The following ZNF57 variants were observed in gnomAD, a reference collection of about 807,000 sequenced individuals.
The protein encoded by ZNF57 is zinc finger protein 424.
ZNF57 carries 11 observed loss-of-function variants against 13.4 expected under a neutral mutation model. The observed-to-expected ratio is 0.82, with a 90% CI of 0.52 to 1.36. The LOEUF (loss-of-function observed/expected upper bound fraction) is 1.36. Ranked by LOEUF, ZNF57 falls within the 40% of genes most tolerant of loss-of-function variation. ZNF57 has a pLI of 0.00. For synonymous variants in ZNF57, 224 were observed against 238.5 expected, an observed-to-expected ratio of 0.94 and a Z score of 0.56; for missense variants, 696 against 667.5, an observed-to-expected ratio of 1.04 and a Z score of -0.47.
At chr19:2,914,006 T>C (rs2088165704) in intron 1 of ZNF57, among the ~76,000 whole-genome samples, 1 of 152,228 alleles carries the variant, frequency 6.6e-6, no homozygotes, top group African/African-American at 2.4e-5. Context: ...AAAGGGTCTC[T>C]TTTACAGAAC....
rs1320491132 is a variant in ZNF57 at position 2,918,135 on chromosome 19, AAT to A, written c.1515_1516del (p.Cys506Ter). 1 of 1,614,246 alleles carries A rather than the reference AAT, an allele frequency of 6.2e-7. No individual in the cohort carries two copies. Among genetic ancestry groups the A allele is most frequent in the East Asian group, 2.2e-5 (1 of 44,892 alleles). On this transcript the variant is annotated frameshift_variant, in exon 4 of 4. Transcript: ENST00000306908. LOFTEE classifies it low-confidence loss of function (END_TRUNC). ...ATGCACACTGGAGAGAAACCTCACA[AAT>A]GTAAACAATGTGGGATGTCCTTCAA...
At chr19:2,905,414 C>CT (rs1555677392) in intron 1 of ZNF57, among the ~76,000 whole-genome samples, 1 of 73,462 alleles carries the variant, frequency 1.4e-5, no homozygotes, top group Admixed American at 9.6e-5. Flanking sequence ...ATCGCCCCCC[C>CT]CCCCTCGGCA....
chr19:2,904,605 C>T (rs1286199513), intron 1 of ZNF57, among the ~76,000 whole-genome samples: 1 of 151,868 alleles, frequency 6.6e-6, no homozygotes, highest in Non-Finnish European at 1.5e-5. Context: ...GCAGTGGCAC[C>T]ATCTCGGCTC....
intron 1 of ZNF57, among the ~76,000 whole-genome samples, chr19:2,902,351 C>T (rs1271317974): frequency 6.6e-6 from 1 of 152,030 alleles, no homozygotes; most frequent in Non-Finnish European, 1.5e-5. Flanking sequence ...TTTTCTTCTC[C>T]TTAGTGACAA....
intron 1 of ZNF57, among the ~76,000 whole-genome samples, chr19:2,905,539 C>T (rs1013607743): frequency 5.5e-4 from 83 of 150,448 alleles, no homozygotes; most frequent in Non-Finnish European, 1.1e-3. Context: ...CGGAGGCGGG[C>T]GGATCACGAG....
In ZNF57 at chr19:2,918,270, C is replaced by A; in HGVS notation, c.1649C>A (p.Thr550Asn). ...AFSCQVILSK[T>N]SESTH ...AGTTGCCAAGTCATTCTTTCTAAAA[C>A]CAGTGAGAGCACACACTAAAGAGAA... The change falls in exon 4 of 4, where the codon ACC becomes AAC. Residue 550 changes from threonine (T) to asparagine (N), a missense_variant. Physicochemically the swap from Thr to Asn is moderately conservative, Grantham distance 65. This residue lies in a region of ZNF57 where 645 missense variants were observed against 591.5 expected (regional missense o/e 1.09). Coordinates refer to ENST00000306908, the MANE Select transcript of ZNF57 (RefSeq NM_173480.3). 6.2e-7 allele frequency: 1 copy of A among 1,607,604 alleles called. No individual in the cohort carries two copies. Among genetic ancestry groups the A allele is most frequent in the East Asian group, 2.2e-5 (1 of 44,828 alleles).
At position 2,917,570 on chromosome 19, in the gene ZNF57, T is replaced by C. The variant is rs751066292; in HGVS notation, c.949T>C (p.Phe317Leu). The C allele has an allele frequency of 6.2e-7, 1 of 1,613,968 alleles. No homozygotes were observed. The highest frequency in any genetic ancestry group is 1.1e-5 in the South Asian group (1 of 91,068). The change falls in exon 4 of 4, where the codon TTC (phenylalanine) becomes CTC (leucine). Residue 317 changes from phenylalanine (F) to leucine (L), a missense_variant. Physicochemically the swap from Phe to Leu is conservative, Grantham distance 22 (BLOSUM62 0). Transcript: ENST00000306908. ...TGAATGCAAGCAGTGTGGGAAAACA[T>C]TCAGTTGGTCTGAAACCTTGCGAGT... is the stretch of plus-strand genomic sequence containing the variant. The part of the protein sequence containing the change: ...PYECKQCGKT[F>L]SWSETLRVHM...
At chr19:2,908,467 T>TG (rs1231244676) in intron 1 of ZNF57, among the ~76,000 whole-genome samples, 3 of 147,466 alleles carry the variant, frequency 2.0e-5, no homozygotes, top group Non-Finnish European at 4.5e-5. Flanking sequence ...TTTGGTTTTT[T>TG]TTTTTTTTTT....
intron 1 of ZNF57, among the ~76,000 whole-genome samples, chr19:2,901,778 A>G (rs1221266271): frequency 2.0e-5 from 3 of 152,116 alleles, no homozygotes; most frequent in African/African-American, 7.2e-5. Flanking sequence ...CGGCCTCCCA[A>G]AGTGCTGGGA....
chr19:2,906,883 G>T (rs188565433), intron 1 of ZNF57, among the ~76,000 whole-genome samples: 1 of 152,180 alleles, frequency 6.6e-6, no homozygotes, highest in South Asian at 2.1e-4. Context: ...CACAGGGCCC[G>T]TGGGAGCCTC....
rs2088023878 is a variant in ZNF57, at chr19:2,900,994, G to A, written c.-52G>A. ...AGTACCTGTACCTTTCAGCTGCGCC[G>A]GCCGCGAGGCCACGGAGAGCTCGCC... On this transcript the variant is annotated 5_prime_UTR_variant, in exon 1 of 4. Transcript: ENST00000306908. 1.3e-6 allele frequency: 2 copies of A among 1,550,716 alleles called. No individual in the cohort carries two copies. The highest frequency in any genetic ancestry group is 1.2e-5 in the South Asian group (1 of 84,174).
In ZNF57 at chr19:2,917,901, A is replaced by G. The variant is rs1482970281; in HGVS notation, c.1280A>G (p.Lys427Arg). Residue 427 changes from lysine (K) to arginine (R), a missense_variant, in exon 4 of 4, where the codon AAA (lysine) becomes AGA (arginine). Physicochemically the swap from Lys to Arg is conservative, Grantham distance 26. This residue lies in a region of ZNF57 where 645 missense variants were observed against 591.5 expected (regional missense o/e 1.09). Transcript: ENST00000306908. ...EKPYECKQCGKTFTWSSTFRE... is the reference protein window; with the variant it reads ...EKPYECKQCGRTFTWSSTFRE... ...CCTTATGAGTGTAAACAATGTGGAA[A>G]AACCTTCACTTGGTCCTCAACGTTT... is the stretch of plus-strand genomic sequence containing the variant. 3 of 1,613,696 alleles carry G rather than the reference A, an allele frequency of 1.9e-6. No homozygotes were observed. The African/African-American group carries it at 4.0e-5, about 22-fold the overall frequency.
chr19:2,917,694 A>G lies in ZNF57; in HGVS notation c.1073A>G (p.His358Arg), dbSNP rs757081421. 3 of 1,613,970 alleles carry G rather than the reference A, an allele frequency of 1.9e-6. No individual in the cohort carries two copies. Among genetic ancestry groups the G allele is most frequent in the Non-Finnish European group, 2.5e-6 (3 of 1,179,956 alleles). ...SRSFQGHLRTHTGEKPYECKQ... is the reference protein window; with the variant it reads ...SRSFQGHLRTRTGEKPYECKQ... ...TCATTCCAAGGTCATTTGAGGACGCACACTGGAGAGAAACCTTATGAGTGT... is the reference window on the plus strand; with the variant it reads ...TCATTCCAAGGTCATTTGAGGACGCGCACTGGAGAGAAACCTTATGAGTGT... Residue 358 changes from histidine (H) to arginine (R), a missense_variant, in exon 4 of 4, where the codon CAC becomes CGC. By Grantham distance (29) the His-to-Arg change is conservative. This residue lies in a region of ZNF57 where 645 missense variants were observed against 591.5 expected (regional missense o/e 1.09). Transcript: ENST00000306908.
At chr19:2,901,070 A>G (rs2088024606) in intron 1 of ZNF57, 22 bp downstream of exon 1, 6 of 1,553,238 alleles carry the variant, frequency 3.9e-6, no homozygotes, top group Non-Finnish European at 5.2e-6. Context: ...GCAGGAGCAG[A>G]GCCAGGGGAC....
chr19:2,906,246 G>T (rs1449878316), intron 1 of ZNF57, among the ~76,000 whole-genome samples: 3 of 152,120 alleles, frequency 2.0e-5, no homozygotes, highest in Non-Finnish European at 4.4e-5. Flanking sequence ...TAGAGCTGGG[G>T]TCTTGCTGTG....
intron 1 of ZNF57, among the ~76,000 whole-genome samples, chr19:2,901,960 T>A (rs1241792820): frequency 6.6e-6 from 1 of 151,966 alleles, no homozygotes; most frequent in Non-Finnish European, 1.5e-5. Flanking sequence ...GGATGTATTG[T>A]CACAAGGGCT....
intron 1 of ZNF57, among the ~76,000 whole-genome samples, chr19:2,901,294 G>C (rs1435703669): frequency 2.6e-5 from 3 of 113,646 alleles, no homozygotes; most frequent in African/African-American, 9.9e-5. Flanking sequence ...CAGGAGGGGG[G>C]CTGGAGGTAG....
At chr19:2,910,852 C>T (rs963392913) in intron 1 of ZNF57, among the ~76,000 whole-genome samples, 5 of 146,724 alleles carry the variant, frequency 3.4e-5, no homozygotes, top group African/African-American at 1.2e-4. Context: ...CCTCGGCCTC[C>T]GGAAGTGCTG....
At chr19:2,902,959 G>C (rs2088041537) in intron 1 of ZNF57, among the ~76,000 whole-genome samples, 1 of 152,164 alleles carries the variant, frequency 6.6e-6, no homozygotes, top group East Asian at 1.9e-4. Context: ...CAAGACCGGT[G>C]ACTCCAGCTG....
Sources: allele counts gnomAD v4.1 joint callset (sites outside exome capture counted in the v4.1 genomes callset), GRCh38; gene constraint gnomAD v4.1.1; regional missense constraint gnomAD v4.1.1; transcripts MANE v1.5; gene names NCBI Gene and HGNC (gene_info 2026-07-23, HGNC 2026-07-21).